The following DZANK1 variants were observed in gnomAD, a reference collection of about 807,000 sequenced individuals.
DZANK1 encodes the protein double zinc ribbon and ankyrin repeat-containing protein 1.
In DZANK1, 91 loss-of-function variants were observed where a neutral mutation model predicts 94.5. The observed-to-expected ratio is 0.96, with a 90% CI of 0.81 to 1.15. The LOEUF (loss-of-function observed/expected upper bound fraction) is 1.15. Ranked by LOEUF, DZANK1 falls within the 50% of genes most tolerant of loss-of-function variation. The pLI is 0.00. For missense variants in DZANK1, 903 were observed against 916.4 expected (o/e 0.99, Z 0.19); for synonymous variants, 312 against 325.3 (o/e 0.96, Z 0.44).
At chr20:18,462,959 A>G (rs1327499352) in intron 2 of DZANK1, among the ~76,000 whole-genome samples, 1 of 143,406 alleles carries the variant, frequency 7.0e-6, no homozygotes, top group Non-Finnish European at 1.5e-5. Flanking sequence ...AAAAAAAAAA[A>G]GAAAGAAATA....
chr20:18,389,867 C>T, intron 18 of DZANK1, 39 bp from the exon 19 acceptor site: 3 of 1,610,812 alleles, frequency 1.9e-6, no homozygotes, highest in Non-Finnish European at 2.5e-6. Flanking sequence ...CCAAAACACC[C>T]TGCACTCAAC....
At position 18,385,029 on chromosome 20, in the gene DZANK1, C is replaced by T. The variant is rs758691948; in HGVS notation, c.2080G>A (p.Ala694Thr). ...CAGGGGACATACCCCAGTAAAGTGG[C>T]GGTGCTCTCTCTTCCTGCAAGGCCA... The change falls in exon 20 of 21, where the codon GCC becomes ACC. Residue 694 changes from alanine (A) to threonine (T), a missense_variant. Physicochemically the swap from Ala to Thr is moderately conservative, Grantham distance 58 (BLOSUM62 0). Transcript: ENST00000262547. The T allele has an allele frequency of 3.4e-5, 53 of 1,552,686 alleles. No homozygotes were observed. The Admixed American group carries it at 8.8e-4, about 26-fold the overall frequency.
intron 13 of DZANK1, among the ~76,000 whole-genome samples, chr20:18,411,060 C>T (rs1391517956): frequency 6.6e-6 from 1 of 152,162 alleles, no homozygotes; most frequent in Non-Finnish European, 1.5e-5. Context: ...GAAGAAAGAT[C>T]TCAAAATCAT....
Position 18,435,050 on chromosome 20 carries a change from C to G in DZANK1, c.748-1285G>C, listed in dbSNP as rs1268650904. On this transcript the variant is annotated intron_variant, in intron 8 of 20. Transcript: ENST00000262547. ...TAAGCAACATAAACCAGAGTAGGCC[C>G]AAGCCACCCACACCGCCCTGGCTGA... Among the ~76,000 whole-genome samples the G allele has an allele frequency of 2.0e-5, 3 of 152,270 alleles. No homozygotes were observed. In the East Asian group the frequency reaches 5.8e-4, roughly 29 times the overall value.
intron 10 of DZANK1, among the ~76,000 whole-genome samples, chr20:18,424,963 C>T (rs752859678): frequency 6.6e-6 from 1 of 152,134 alleles, no homozygotes; most frequent in Non-Finnish European, 1.5e-5. Flanking sequence ...TACATACTTC[C>T]ATAAAAGACA....
chr20:18,440,253 T>G (rs1471026455), intron 8 of DZANK1, among the ~76,000 whole-genome samples: 1 of 152,146 alleles, frequency 6.6e-6, no homozygotes, highest in East Asian at 1.9e-4. Context: ...CAAACTGATA[T>G]ACCTGGGAAA....
chr20:18,396,462 G>A lies in DZANK1; in HGVS notation c.1611+10C>T, dbSNP rs2056347096. The A allele has an allele frequency of 1.2e-6, 2 of 1,605,482 alleles. No individual in the cohort carries two copies. The highest frequency in any genetic ancestry group is 1.3e-5 in the African/African-American group (1 of 74,670). ...GTTCTCAAATGAATAACTTCTGGAG[G>A]CTTACTCACCTTGTTTGAGACTTGA... is the stretch of plus-strand genomic sequence containing the variant. On this transcript the variant is annotated intron_variant, in intron 15 of 20. Coordinates refer to ENST00000262547, the Ensembl canonical transcript of DZANK1.
chr20:18,394,440 T>A, intron 15 of DZANK1, 90 bp from the exon 16 acceptor site: 1 of 1,246,582 alleles, frequency 8.0e-7, no homozygotes, highest in Non-Finnish European at 1.1e-6. Context: ...TGCTCCTCCT[T>A]ATTAAGTACA....
chr20:18,414,211 AC>A, intron 12 of DZANK1, 136 bp downstream of exon 12: 1 of 975,060 alleles, frequency 1.0e-6, no homozygotes, highest in Non-Finnish European at 1.5e-6. Context: ...ATTTATTTAC[AC>A]ACCTAGTTGA....
At chr20:18,431,005 C>T (rs2058261810) in intron 9 of DZANK1, among the ~76,000 whole-genome samples, 1 of 152,028 alleles carries the variant, frequency 6.6e-6, no homozygotes, top group Non-Finnish European at 1.5e-5. Context: ...TAAAAGGACA[C>T]TCTAAGCTGC....
chr20:18,457,798 C>T lies in DZANK1; in HGVS notation c.263+2355G>A, dbSNP rs146480971. On this transcript the variant is annotated intron_variant, in intron 3 of 20. Coordinates refer to ENST00000262547, the Ensembl canonical transcript of DZANK1. ...GGTACACATCTCTAACTAGCTGCAA[C>T]GGGGATTGGGAAATATCTTCTAGGC... Among the ~76,000 whole-genome samples, 61 of 152,212 alleles carry T rather than the reference C, an allele frequency of 4.0e-4. 1 individual carries two copies. The East Asian group carries it at 9.9e-3, about 25-fold the overall frequency.
Position 18,453,718 on chromosome 20 carries a change from T to C in DZANK1, c.475+13A>G, listed in dbSNP as rs1461726496. On this transcript the variant is annotated intron_variant, in intron 5 of 20. Coordinates refer to ENST00000262547, the Ensembl canonical transcript of DZANK1. Reference sequence around the variant, plus strand: ...AGAATACAAAACCTTGTCTTTGTTCTGTCACATCATACCTGGAAACTTTCT... The same window carrying C: ...AGAATACAAAACCTTGTCTTTGTTCCGTCACATCATACCTGGAAACTTTCT... 1 of 1,581,860 alleles carries C rather than the reference T, an allele frequency of 6.3e-7. No homozygotes were observed. Among genetic ancestry groups the C allele is most frequent in the Admixed American group, 1.7e-5 (1 of 59,646 alleles).
chr20:18,447,972 T>C (rs963966033), intron 7 of DZANK1, among the ~76,000 whole-genome samples: 4 of 152,196 alleles, frequency 2.6e-5, no homozygotes, highest in Non-Finnish European at 5.9e-5. Flanking sequence ...ATAATGACTT[T>C]GGGGTTTTAA....
chr20:18,404,586 C>CA (rs2056860349), intron 13 of DZANK1, among the ~76,000 whole-genome samples: 1 of 151,986 alleles, frequency 6.6e-6, no homozygotes, highest in Non-Finnish European at 1.5e-5. Flanking sequence ...CAGTTTCCAA[C>CA]AAAAAAATCA....
At chr20:18,415,879 T>C (rs1239116168) in intron 10 of DZANK1, among the ~76,000 whole-genome samples, 1 of 152,246 alleles carries the variant, frequency 6.6e-6, no homozygotes, top group Non-Finnish European at 1.5e-5. Context: ...TTTCCCATTC[T>C]TGACACATGA....
chr20:18,390,549 C>CCTGTCCTTGTGACTTAG, intron 17 of DZANK1, 90 bp from the exon 18 acceptor site: 3 of 1,269,312 alleles, frequency 2.4e-6, no homozygotes, highest in Non-Finnish European at 3.4e-6. Flanking sequence ...TTCTAAGTCA[C>CCTGTCCTTGTGACTTAG]AAGGACAGGT....
intron 8 of DZANK1, among the ~76,000 whole-genome samples, chr20:18,442,189 T>C (rs2058734171): frequency 6.6e-6 from 1 of 152,232 alleles, no homozygotes; most frequent in Admixed American, 6.5e-5. Context: ...GTTCATAATG[T>C]TAAATATTTA....
At chr20:18,446,629 G>A (rs2058890644) in intron 7 of DZANK1, among the ~76,000 whole-genome samples, 1 of 151,910 alleles carries the variant, frequency 6.6e-6, no homozygotes, top group Non-Finnish European at 1.5e-5. Context: ...CCAAAAGAAA[G>A]ATTAATAAAT....
intron 7 of DZANK1, among the ~76,000 whole-genome samples, chr20:18,444,273 A>G (rs1278350857): frequency 6.6e-6 from 1 of 152,194 alleles, no homozygotes; most frequent in Non-Finnish European, 1.5e-5. Flanking sequence ...CATGGCACCA[A>G]GGTTTCACCA....
Sources: gnomAD v4.1 joint callset for allele counts (sites outside exome capture counted in the v4.1 genomes callset) on GRCh38, gnomAD v4.1.1 for gene constraint, MANE v1.5 for transcripts, NCBI Gene and HGNC (gene_info 2026-07-23, HGNC 2026-07-21) for gene names.